UBP1: variants seen among roughly 807,000 people sequenced by gnomAD.
UBP1 encodes the protein upstream-binding protein 1.
A neutral mutation model predicts 76.1 loss-of-function variants in UBP1; 22 were observed. The observed-to-expected ratio is 0.29, with a 90% CI of 0.21 to 0.41. UBP1 has a LOEUF of 0.41. UBP1 is among the 10% of genes least tolerant of loss of function. UBP1 has a pLI of 1.00. For synonymous variants in UBP1, 224 were observed against 237.1 expected (o/e 0.94, Z 0.51); for missense variants, 436 against 668.1 (o/e 0.65, Z 3.83).
intron 2 of UBP1, 109 bp downstream of exon 2, chr3:33,425,481 A>G (rs2044995387): frequency 2.5e-6 from 3 of 1,189,278 alleles, no homozygotes; most frequent in Admixed American, 3.1e-5. Flanking sequence ...AAATTTAAGA[A>G]AAAGAACCTA....
At chr3:33,396,907 G>T (rs1384214303) in intron 12 of UBP1, 138 bp downstream of exon 12, 3 of 804,530 alleles carry the variant, frequency 3.7e-6, no homozygotes, top group Non-Finnish European at 6.4e-6. Context: ...CAGTCTTCTT[G>T]TGAGCACAAT....
intron 12 of UBP1, chr3:33,396,803 C>T (rs1200112211): frequency 1.5e-6 from 1 of 655,974 alleles, no homozygotes. Flanking sequence ...GAAATCAGTA[C>T]TGCCCATGTG....
chr3:33,435,968 C>T lies in UBP1; in HGVS notation c.113+3768G>A, dbSNP rs375691450. ...TCATCTGTACTTCCAAGATATATAT[C>T]ACCTACTCAGGGACATTCTATTTTA... is the stretch of plus-strand genomic sequence containing the variant. On this transcript the variant is annotated intron_variant, in intron 1 of 15. Transcript: ENST00000283629. 5.9e-5 allele frequency among the ~76,000 whole-genome samples: 9 copies of T among 152,302 alleles called. No homozygotes were observed. In the East Asian group the frequency reaches 1.3e-3, roughly 23 times the overall value.
At position 33,439,984 on chromosome 3, in the gene UBP1, C is replaced by T. The variant is rs1255399480; in HGVS notation, c.-136G>A. 2.0e-5 allele frequency: 18 copies of T among 894,258 alleles called. No individual in the cohort carries two copies. Among genetic ancestry groups the T allele is most frequent in the Non-Finnish European group, 2.8e-5 (17 of 617,346 alleles). The allele number at this position is 894,258 out of a possible 1,614,324, so 55.4% of individuals were successfully genotyped here. Reference sequence around the variant, plus strand: ...GCGGCGAGTGGTCACCAGCGGCGGCCGGGACGAGAGCTGCGGGGGCCCCAC... The same window carrying T: ...GCGGCGAGTGGTCACCAGCGGCGGCTGGGACGAGAGCTGCGGGGGCCCCAC... On this transcript the variant is annotated 5_prime_UTR_variant, in exon 1 of 16. Coordinates refer to ENST00000283629, the MANE Select transcript of UBP1 (RefSeq NM_014517.5).
At chr3:33,428,446 G>A (rs574501119) in intron 1 of UBP1, among the ~76,000 whole-genome samples, 97 of 148,926 alleles carry the variant, frequency 6.5e-4, no homozygotes, top group Admixed American at 1.6e-3. Context: ...ATCAAAATAA[G>A]ATGTATAACT....
intron 1 of UBP1, among the ~76,000 whole-genome samples, chr3:33,426,944 C>A (rs1040700592): frequency 6.6e-6 from 1 of 152,142 alleles, no homozygotes; most frequent in African/African-American, 2.4e-5. Context: ...ATTACTGGAT[C>A]ACATGGTAAC....
chr3:33,439,341 C>T (rs1370697303), intron 1 of UBP1, among the ~76,000 whole-genome samples: 1 of 152,214 alleles, frequency 6.6e-6, no homozygotes, highest in Admixed American at 6.5e-5. Flanking sequence ...GATCCCAAAA[C>T]GCTAGACAGT....
At chr3:33,423,874 G>A (rs2154059050) in intron 2 of UBP1, among the ~76,000 whole-genome samples, 1 of 152,298 alleles carries the variant, frequency 6.6e-6, no homozygotes, top group African/African-American at 2.4e-5. Flanking sequence ...TACTACAGAT[G>A]GTGGATTATG....
Position 33,402,904 on chromosome 3 carries a change from A to C in UBP1, c.928T>G (p.Cys310Gly), listed in dbSNP as rs985266546. 1 of 1,605,586 alleles carries C rather than the reference A, an allele frequency of 6.2e-7. No homozygotes were observed. The highest frequency in any genetic ancestry group is 1.7e-5 in the Admixed American group (1 of 58,688). The change falls in exon 9 of 16, where the codon TGT (cysteine) becomes GGT (glycine). Residue 310 changes from cysteine to glycine, a missense_variant and splice_region_variant. This residue lies in a region of UBP1 where 65 missense variants were observed against 157.4 expected (regional missense o/e 0.41). Coordinates refer to ENST00000283629, the MANE Select transcript of UBP1 (RefSeq NM_014517.5). ...GTGGGGGCATCGGGCCACGGAGAAC[A>C]CTAAGGACAGAAACAGAAATAAATT... ...YGDSLAKRGS[C>G]SPWPDAPTAY...
intron 1 of UBP1, among the ~76,000 whole-genome samples, chr3:33,426,042 A>G (rs1239907295): frequency 5.9e-5 from 5 of 85,036 alleles, no homozygotes; most frequent in Admixed American, 1.2e-4. Context: ...TATATATAGC[A>G]CTTTAAAAAC....
intron 11 of UBP1, among the ~76,000 whole-genome samples, chr3:33,398,951 T>C (rs1306204782): frequency 6.6e-6 from 1 of 152,196 alleles, no homozygotes; most frequent in Non-Finnish European, 1.5e-5. Flanking sequence ...AGCTAGCAAA[T>C]GACCTCCATA....
In UBP1 at chr3:33,390,310, C is replaced by A. The variant is rs1232566669; in HGVS notation, c.*21G>T. 6.2e-7 allele frequency: 1 copy of A among 1,607,744 alleles called. No homozygotes were observed. The highest frequency in any genetic ancestry group is 8.5e-7 in the Non-Finnish European group (1 of 1,174,476). On this transcript the variant is annotated 3_prime_UTR_variant, in exon 16 of 16. Coordinates refer to ENST00000283629, the MANE Select transcript of UBP1 (RefSeq NM_014517.5). ...AAGCGTGACTATTTGGTACTGAATA[C>A]AGTTCAGTCTATATAAGACATCACT... is the stretch of plus-strand genomic sequence containing the variant.
intron 13 of UBP1, among the ~76,000 whole-genome samples, chr3:33,395,650 T>C (rs1314329848): frequency 6.6e-6 from 1 of 150,472 alleles, no homozygotes; most frequent in Non-Finnish European, 1.5e-5. Flanking sequence ...GGCCGAACAC[T>C]TGTCAGTGAC....
At chr3:33,412,965 C>T in intron 3 of UBP1, 138 bp from the exon 4 acceptor site, 1 of 523,740 alleles carries the variant, frequency 1.9e-6, no homozygotes, top group Admixed American at 3.3e-5. Context: ...TGTAAGTGAA[C>T]TCTTTTGCCC....
intron 8 of UBP1, among the ~76,000 whole-genome samples, chr3:33,404,799 T>C (rs2044373301): frequency 6.6e-6 from 1 of 152,200 alleles, no homozygotes; most frequent in African/African-American, 2.4e-5. Context: ...CACATAAAAA[T>C]GTCCCTGGGA....
intron 1 of UBP1, among the ~76,000 whole-genome samples, chr3:33,428,181 CAAAA>C (rs59049122): frequency 5.2e-5 from 3 of 57,246 alleles, no homozygotes; most frequent in South Asian, 7.9e-4. Flanking sequence ...GATTCCATCT[CAAAA>C]AAAAAAAAAA....
chr3:33,431,827 T>G (rs2154059767), intron 1 of UBP1, among the ~76,000 whole-genome samples: 1 of 151,436 alleles, frequency 6.6e-6, no homozygotes, highest in South Asian at 2.1e-4. Flanking sequence ...ATGGCAAGGA[T>G]GAGTTGTGAG....
At chr3:33,393,910 G>GAC (rs1403691271) in intron 13 of UBP1, among the ~76,000 whole-genome samples, 1 of 152,072 alleles carries the variant, frequency 6.6e-6, no homozygotes, top group East Asian at 1.9e-4. Context: ...ACAATGGGAG[G>GAC]ACTTTATGGT....
chr3:33,439,720 C>T lies in UBP1; in HGVS notation c.113+16G>A, dbSNP rs1376627400. 6.2e-6 allele frequency: 10 copies of T among 1,609,810 alleles called. No homozygotes were observed. The highest frequency in any genetic ancestry group is 1.1e-5 in the South Asian group (1 of 90,588). ...CAAGGAGACAGAGGCTTCTCCCCGCCCAGGGAGCCCAGTACCTCATGCTGT... is the reference window on the plus strand; with the variant it reads ...CAAGGAGACAGAGGCTTCTCCCCGCTCAGGGAGCCCAGTACCTCATGCTGT... On this transcript the variant is annotated intron_variant, in intron 1 of 15. Coordinates refer to ENST00000283629, the MANE Select transcript of UBP1 (RefSeq NM_014517.5).
Sources: allele counts gnomAD v4.1 joint callset (sites outside exome capture counted in the v4.1 genomes callset), GRCh38; gene constraint gnomAD v4.1.1; regional missense constraint gnomAD v4.1.1; transcripts MANE v1.5; gene names NCBI Gene and HGNC (gene_info 2026-07-23, HGNC 2026-07-21).